The following HM13 variants were observed in gnomAD, a reference collection of about 807,000 sequenced individuals.
The protein encoded by HM13 is signal peptide peptidase.
In HM13, 18 loss-of-function variants were observed where a neutral mutation model predicts 50.0. That is an observed-to-expected ratio of 0.36 (90% CI 0.25 to 0.53). The LOEUF is 0.53. HM13 is among the 20% of genes least tolerant of loss of function. HM13 has a pLI of 0.90. For missense variants in HM13, 393 were observed against 552.4 expected, an observed-to-expected ratio of 0.71 and a Z score of 2.89; for synonymous variants, 197 against 232.6, an observed-to-expected ratio of 0.85 and a Z score of 1.39.
rs1400206133 is a variant in HM13, at chr20:31,514,885, C to T, written c.183+151C>T. On this transcript the variant is annotated intron_variant, in intron 1 of 12. Transcript: ENST00000398174. This position sits in a 1 kb window ranked among gnomAD's most constrained non-coding sequence, Gnocchi z 4.3. Reference sequence around the variant, plus strand: ...TTCCCTCTGTCTCGGGCCCACATTCCGGGGCTGGCATTTCCTACCCCGGGA... The same window carrying T: ...TTCCCTCTGTCTCGGGCCCACATTCTGGGGCTGGCATTTCCTACCCCGGGA... 19 of 854,798 alleles carry T rather than the reference C, an allele frequency of 2.2e-5. No individual in the cohort carries two copies. The highest frequency in any genetic ancestry group is 2.9e-5 in the Non-Finnish European group (17 of 590,416). The allele number at this position is 854,798 out of a possible 1,614,324, so 53.0% of individuals were successfully genotyped here.
At position 31,522,025 on chromosome 20, in the gene HM13, C is replaced by A. The variant is rs865966132; in HGVS notation, c.184-5459C>A. Among the ~76,000 whole-genome samples the A allele has an allele frequency of 1.3e-4, 19 of 151,952 alleles. No homozygotes were observed. The Middle Eastern group carries it at 0.01, about 82-fold the overall frequency. On this transcript the variant is annotated intron_variant, in intron 1 of 12. Transcript: ENST00000398174. ...CAGCATGGGATATTTATAAGTCACC[C>A]GCAAAGGAGACCAGAGTCCTCTGTG...
chr20:31,526,058 G>A (rs951021733), intron 1 of HM13, among the ~76,000 whole-genome samples: 4 of 152,150 alleles, frequency 2.6e-5, no homozygotes, highest in African/African-American at 9.7e-5. Flanking sequence ...CCAGGAGGCA[G>A]AGGTTGCCGT....
chr20:31,566,258 G>T lies in HM13; in HGVS notation c.997G>T (p.Val333Leu). The T allele has an allele frequency of 6.2e-7, 1 of 1,614,062 alleles. No homozygotes were observed. The highest frequency in any genetic ancestry group is 8.5e-7 in the Non-Finnish European group (1 of 1,179,972). ...VPACIGFPVL[V>L]ALAKGEVTEM... Reference sequence around the variant, plus strand: ...CGCCTGCATCGGTTTTCCTGTCCTGGTGGCGCTGGCCAAGGGAGAAGTGAC... The same window carrying T: ...CGCCTGCATCGGTTTTCCTGTCCTGTTGGCGCTGGCCAAGGGAGAAGTGAC... The change falls in exon 11 of 13, where the codon GTG (valine) becomes TTG (leucine). Residue 333 changes from valine (V) to leucine (L), a missense_variant. Transcript: ENST00000398174.
chr20:31,514,839 T>A lies in HM13; in HGVS notation c.183+105T>A, dbSNP rs1981674952. On this transcript the variant is annotated intron_variant, in intron 1 of 12. Transcript: ENST00000398174. The surrounding 1 kb of genome is among the most constrained non-coding windows in gnomAD (Gnocchi z 4.3). ...ACACCTCTCCCCGGACACTGACTCTTCCCAGCCCTGATCACCACCGTTCCC... is the reference window on the plus strand; with the variant it reads ...ACACCTCTCCCCGGACACTGACTCTACCCAGCCCTGATCACCACCGTTCCC... 9.0e-7 allele frequency: 1 copy of A among 1,109,298 alleles called. No homozygotes were observed. 68.7% of individuals were successfully genotyped at this position (1,109,298 alleles called of 1,614,324 possible). A position where few individuals can be genotyped will look rare whatever the true frequency, so the allele number is the denominator to read the frequency against.
intron 2 of HM13, among the ~76,000 whole-genome samples, chr20:31,531,022 T>C (rs970940232): frequency 6.6e-6 from 1 of 152,170 alleles, no homozygotes; most frequent in African/African-American, 2.4e-5. Context: ...TTTAGTTTTT[T>C]CCAGTCTGTG....
intron 1 of HM13, among the ~76,000 whole-genome samples, chr20:31,517,386 C>T (rs1981860103): frequency 6.6e-6 from 1 of 152,122 alleles, no homozygotes; most frequent in South Asian, 2.1e-4. Context: ...GAATATGACC[C>T]AGGCAGTAGC....
intron 9 of HM13, among the ~76,000 whole-genome samples, chr20:31,560,220 T>C (rs141251205): frequency 6.6e-6 from 1 of 152,314 alleles, no homozygotes; most frequent in Non-Finnish European, 1.5e-5. Context: ...AAAGGTCTTA[T>C]CCAAGTTAAT....
chr20:31,528,541 C>T (rs1189150227), intron 2 of HM13, among the ~76,000 whole-genome samples: 1 of 152,196 alleles, frequency 6.6e-6, no homozygotes, highest in Admixed American at 6.5e-5. Context: ...TGCAGTGGCG[C>T]AATTTCGGCT....
intron 2 of HM13, among the ~76,000 whole-genome samples, chr20:31,534,117 A>G (rs927418991): frequency 2.6e-5 from 4 of 152,016 alleles, no homozygotes; most frequent in African/African-American, 7.2e-5. Flanking sequence ...GCCTCATGCA[A>G]TCCTCCCGCC....
intron 7 of HM13, among the ~76,000 whole-genome samples, chr20:31,551,168 G>A (rs1257625844): frequency 6.6e-6 from 1 of 152,070 alleles, no homozygotes; most frequent in African/African-American, 2.4e-5. Flanking sequence ...TCAGATATGG[G>A]ATACTCAACC....
chr20:31,553,295 CAAAAAAA>C (rs571430209), intron 7 of HM13, among the ~76,000 whole-genome samples: 5 of 114,212 alleles, frequency 4.4e-5, no homozygotes, highest in South Asian at 5.8e-4. Flanking sequence ...GACTCCATCT[CAAAAAAA>C]AAAAAAAAAA....
At chr20:31,545,615 A>C (rs1983669014) in intron 4 of HM13, among the ~76,000 whole-genome samples, 1 of 152,220 alleles carries the variant, frequency 6.6e-6, no homozygotes, top group Non-Finnish European at 1.5e-5. Context: ...AAAATTGTAA[A>C]AAAATGCAAA....
At chr20:31,531,255 G>A (rs997646228) in intron 2 of HM13, among the ~76,000 whole-genome samples, 1 of 152,106 alleles carries the variant, frequency 6.6e-6, no homozygotes, top group Non-Finnish European at 1.5e-5. Flanking sequence ...TTGTTGGTCA[G>A]GCTGGACTCC....
intron 6 of HM13, among the ~76,000 whole-genome samples, chr20:31,549,813 C>G (rs2122626142): frequency 6.6e-6 from 1 of 152,288 alleles, no homozygotes; most frequent in East Asian, 1.9e-4. Flanking sequence ...TTGGGAGGAA[C>G]AGAACTGTGA....
chr20:31,541,812 T>TG (rs1178111513), intron 3 of HM13: 1 of 152,196 alleles, frequency 6.6e-6, no homozygotes, highest in African/African-American at 2.4e-5. Flanking sequence ...ATCCACAAAC[T>TG]TAGACCTTCC....
intron 10 of HM13, among the ~76,000 whole-genome samples, chr20:31,565,165 CAAAAA>C (rs983329719): frequency 5.1e-5 from 4 of 77,988 alleles, no homozygotes; most frequent in Non-Finnish European, 5.4e-5. Flanking sequence ...GACTCCATCT[CAAAAA>C]AAAAAAAAAA....
intron 2 of HM13, among the ~76,000 whole-genome samples, chr20:31,530,933 G>A (rs1208514379): frequency 6.6e-6 from 1 of 152,188 alleles, no homozygotes; most frequent in Non-Finnish European, 1.5e-5. Flanking sequence ...AAAAGATTGT[G>A]CCATTTTACA....
chr20:31,515,701 T>G (rs1981733809), intron 1 of HM13, among the ~76,000 whole-genome samples: 1 of 152,078 alleles, frequency 6.6e-6, no homozygotes, highest in Non-Finnish European at 1.5e-5. Context: ...CTCCAGCACA[T>G]TTCACCTTCT....
intron 1 of HM13, among the ~76,000 whole-genome samples, chr20:31,517,098 C>T (rs1386236361): frequency 2.0e-5 from 3 of 152,078 alleles, no homozygotes; most frequent in Non-Finnish European, 1.5e-5. Flanking sequence ...TACCCTGAGT[C>T]GTTTCCCTGG....
Sources: gnomAD v4.1 joint callset for allele counts (sites outside exome capture counted in the v4.1 genomes callset) on GRCh38, gnomAD v4.1.1 for gene constraint, Gnocchi (gnomAD v3.1) non-coding constraint, MANE v1.5 for transcripts, NCBI Gene and HGNC (gene_info 2026-07-23, HGNC 2026-07-21) for gene names.